EPHA6: variants seen among roughly 807,000 people sequenced by gnomAD.
EPHA6 encodes the protein EPH receptor A6.
A neutral mutation model predicts 112.0 loss-of-function variants in EPHA6; 50 were observed. The ratio of observed to expected loss-of-function variants is 0.45; its 90% CI spans 0.36 to 0.56. EPHA6 has a LOEUF of 0.56. EPHA6 is among the 20% of genes least tolerant of loss of function. The pLI is 0.00. For missense variants in EPHA6, 1,280 were observed against 1,417.4 expected, an observed-to-expected ratio of 0.90 and a Z score of 1.56; for synonymous variants, 529 against 490.7, an observed-to-expected ratio of 1.08 and a Z score of -1.03.
chr3:97,704,952 CTTCT>C (rs2033601028), intron 14 of EPHA6, among the ~76,000 whole-genome samples: 1 of 152,052 alleles, frequency 6.6e-6, no homozygotes, highest in Non-Finnish European at 1.5e-5. Flanking sequence ...TCCTATTTTC[CTTCT>C]ATTTCCCCTT....
At chr3:96,905,610 C>A (rs1230650493) in intron 2 of EPHA6, among the ~76,000 whole-genome samples, 2 of 151,836 alleles carry the variant, frequency 1.3e-5, no homozygotes, top group Non-Finnish European at 2.9e-5. Context: ...AGTAAATGTG[C>A]CTGAACTGAA....
chr3:97,108,081 A>G (rs1576501411), intron 3 of EPHA6, among the ~76,000 whole-genome samples: 1 of 152,144 alleles, frequency 6.6e-6, no homozygotes, highest in South Asian at 2.1e-4. Flanking sequence ...CTTATCCCTG[A>G]GACCTTTATA....
chr3:96,855,064 A>T (rs1347199607), intron 1 of EPHA6, among the ~76,000 whole-genome samples: 1 of 152,032 alleles, frequency 6.6e-6, no homozygotes, highest in Non-Finnish European at 1.5e-5. Flanking sequence ...TCTGGAGACC[A>T]CCCATGTTCC....
chr3:97,237,718 T>A (rs2078722386), intron 4 of EPHA6, among the ~76,000 whole-genome samples: 1 of 152,068 alleles, frequency 6.6e-6, no homozygotes, highest in Admixed American at 6.6e-5. Context: ...TGCTTTTCCC[T>A]CTGAAATTAT....
At chr3:96,828,767 A>G (rs945342720) in intron 1 of EPHA6, among the ~76,000 whole-genome samples, 3 of 152,074 alleles carry the variant, frequency 2.0e-5, no homozygotes, top group African/African-American at 7.2e-5. Context: ...TGAGCTTCCT[A>G]ATACGTTTTG....
chr3:96,973,110 G>T (rs1045019200), intron 2 of EPHA6, among the ~76,000 whole-genome samples: 3 of 152,104 alleles, frequency 2.0e-5, no homozygotes, highest in African/African-American at 4.8e-5. Context: ...AAGGAATCTG[G>T]TTTTTTGGCC....
chr3:97,752,262 C>G lies in EPHA6; in HGVS notation c.*3561C>G. 4.5e-6 allele frequency: 1 copy of G among 223,082 alleles called. No homozygotes were observed. The highest frequency in any genetic ancestry group is 9.0e-6 in the Non-Finnish European group (1 of 111,596). The allele number at this position is 223,082 out of a possible 1,614,324, so 13.8% of individuals were successfully genotyped here. On this transcript the variant is annotated 3_prime_UTR_variant, in exon 18 of 18. Transcript: ENST00000389672. ...ATCCGATCCTTGAAAAGCAAAGGCT[C>G]TAAAGAAGCTCTTCAGAAGAGACGG...
At chr3:97,632,972 T>C (rs2093916257) in intron 13 of EPHA6, among the ~76,000 whole-genome samples, 1 of 152,082 alleles carries the variant, frequency 6.6e-6, no homozygotes, top group Admixed American at 6.6e-5. Flanking sequence ...AACCTCGGTC[T>C]AAGTACTTGA....
chr3:97,601,970 C>T (rs1003255986), intron 12 of EPHA6, among the ~76,000 whole-genome samples: 1 of 151,942 alleles, frequency 6.6e-6, no homozygotes, highest in East Asian at 1.9e-4. Context: ...AGAAGTAAAG[C>T]GTAGCATTTG....
chr3:97,052,604 T>A (rs1464053163), intron 3 of EPHA6, among the ~76,000 whole-genome samples: 1 of 152,088 alleles, frequency 6.6e-6, no homozygotes, highest in Non-Finnish European at 1.5e-5. Flanking sequence ...TGTGTTTTGG[T>A]CTTTTAAGTA....
At chr3:97,482,890 C>T (rs911350436) in intron 9 of EPHA6, among the ~76,000 whole-genome samples, 3 of 152,104 alleles carry the variant, frequency 2.0e-5, no homozygotes, top group Non-Finnish European at 2.9e-5. Flanking sequence ...TAAAACCATA[C>T]CTAAGATATT....
chr3:97,710,047 A>G (rs1489256871), intron 14 of EPHA6, among the ~76,000 whole-genome samples: 2 of 152,224 alleles, frequency 1.3e-5, no homozygotes, highest in African/African-American at 4.8e-5. Context: ...CTTTCAGCGA[A>G]AGTCTACCTT....
At chr3:97,274,154 T>C (rs1474591270) in intron 5 of EPHA6, among the ~76,000 whole-genome samples, 2 of 152,106 alleles carry the variant, frequency 1.3e-5, no homozygotes, top group Non-Finnish European at 2.9e-5. Flanking sequence ...CAGAATAGAA[T>C]GGGCCTGTGA....
intron 5 of EPHA6, among the ~76,000 whole-genome samples, chr3:97,318,932 C>A (rs1374528188): frequency 6.6e-6 from 1 of 151,576 alleles, no homozygotes; most frequent in Admixed American, 6.6e-5. Context: ...AAAAAATGAA[C>A]AACATTCCAA....
At chr3:97,636,455 T>C (rs187668811) in intron 13 of EPHA6, among the ~76,000 whole-genome samples, 213 of 152,194 alleles carry the variant, frequency 1.4e-3, no homozygotes, top group Admixed American at 1.8e-3. Flanking sequence ...CCTTTATACA[T>C]TAATTATACA....
intron 14 of EPHA6, among the ~76,000 whole-genome samples, chr3:97,677,081 T>G (rs1297761868): frequency 6.6e-6 from 1 of 152,204 alleles, no homozygotes; most frequent in Non-Finnish European, 1.5e-5. Context: ...TGATACTCAT[T>G]CTTCATTTTT....
intron 11 of EPHA6, among the ~76,000 whole-genome samples, chr3:97,534,846 T>C (rs1292765016): frequency 6.6e-6 from 1 of 152,120 alleles, no homozygotes; most frequent in Non-Finnish European, 1.5e-5. Context: ...GTTATGAACC[T>C]TTGCAGAGCA....
At chr3:97,469,574 G>A (rs1424983548) in intron 7 of EPHA6, among the ~76,000 whole-genome samples, 2 of 151,656 alleles carry the variant, frequency 1.3e-5, no homozygotes, top group African/African-American at 2.4e-5. Context: ...AGAAAATACA[G>A]TGGGAGTTGG....
intron 6 of EPHA6, among the ~76,000 whole-genome samples, chr3:97,447,004 CTGT>C (rs1275210442): frequency 2.6e-5 from 4 of 151,940 alleles, no homozygotes; most frequent in Non-Finnish European, 5.9e-5. Flanking sequence ...TAAAATGTTG[CTGT>C]TCTTAATTCA....
Sources: allele counts gnomAD v4.1 joint callset (sites outside exome capture counted in the v4.1 genomes callset), GRCh38; gene constraint gnomAD v4.1.1; transcripts MANE v1.5; gene names NCBI Gene and HGNC (gene_info 2026-07-23, HGNC 2026-07-21).